Variants in DAB2IP observed in about 807,000 individuals in gnomAD.
DAB2IP encodes disabled homolog 2-interacting protein.
A neutral mutation model predicts 107.2 loss-of-function variants in DAB2IP; 28 were observed. The ratio of observed to expected loss-of-function variants is 0.26; its 90% CI spans 0.19 to 0.36. The LOEUF (loss-of-function observed/expected upper bound fraction) is 0.36, where lower values mean the gene tolerates loss of function less well. Ranked by LOEUF, DAB2IP falls within the 10% of genes least tolerant of loss-of-function variation. DAB2IP has a pLI of 1.00. For synonymous variants in DAB2IP, 755 were observed against 706.4 expected (o/e 1.07, Z -1.09); for missense variants, 1,400 against 1,644.7 (o/e 0.85, Z 2.57).
chr9:121,752,396 T>G (rs967912432), intron 3 of DAB2IP, among the ~76,000 whole-genome samples: 6 of 152,172 alleles, frequency 3.9e-5, no homozygotes, highest in Non-Finnish European at 8.8e-5. Flanking sequence ...CCAGGAACTC[T>G]AAGGCTCTGG....
chr9:121,768,348 C>A, intron 9 of DAB2IP, 84 bp from the exon 10 acceptor site: 1 of 1,413,976 alleles, frequency 7.1e-7, no homozygotes, highest in Non-Finnish European at 1.0e-6. Flanking sequence ...GTGGGGAAAG[C>A]GGGTGGTGGT....
chr9:121,684,513 C>T lies in DAB2IP; in HGVS notation c.228+5732C>T, dbSNP rs772554741. On this transcript the variant is annotated intron_variant, in intron 2 of 15. Transcript: ENST00000408936. This position sits in a 1 kb window ranked among gnomAD's most constrained non-coding sequence, Gnocchi z 4.0. ...TGGTCCAACTGCCCTCGGAGCCCCA[C>T]GACAGCTCCTTCCCGCTCATCTGCA... 3.3e-5 allele frequency among the ~76,000 whole-genome samples: 5 copies of T among 152,324 alleles called. No homozygotes were observed. The highest frequency in any genetic ancestry group is 1.3e-4 in the Admixed American group (2 of 15,304).
intron 1 of DAB2IP, among the ~76,000 whole-genome samples, chr9:121,603,302 T>C (rs540051033): frequency 3.3e-5 from 5 of 152,342 alleles, no homozygotes; most frequent in South Asian, 2.1e-4. Flanking sequence ...CTAGGAGAGA[T>C]ACAGGGTGGA....
At chr9:121,661,417 G>A (rs1263855731) in intron 1 of DAB2IP, among the ~76,000 whole-genome samples, 1 of 152,072 alleles carries the variant, frequency 6.6e-6, no homozygotes, top group Non-Finnish European at 1.5e-5. Flanking sequence ...CACAGGGTGG[G>A]GTAAGTGTCT....
Position 121,570,823 on chromosome 9 carries a change from C to T in DAB2IP, c.40+3595C>T, listed in dbSNP as rs367692348. On this transcript the variant is annotated intron_variant, in intron 1 of 16. Coordinates refer to the DAB2IP transcript ENST00000259371. Reference sequence around the variant, plus strand: ...TCGGCTTCCCAAAGTGCTGGGATTACAGGCATGAGCCACAGTGCCGGCCTG... The same window carrying T: ...TCGGCTTCCCAAAGTGCTGGGATTATAGGCATGAGCCACAGTGCCGGCCTG... Among the ~76,000 whole-genome samples the T allele has an allele frequency of 3.0e-4, 45 of 151,430 alleles. 1 individual carries two copies. In the East Asian group the frequency reaches 8.5e-3, roughly 29 times the overall value.
intron 11 of DAB2IP, among the ~76,000 whole-genome samples, chr9:121,771,476 G>GA (rs1186429510): frequency 1.3e-5 from 2 of 152,154 alleles, no homozygotes; most frequent in African/African-American, 4.8e-5. Context: ...AGGGTGCTGA[G>GA]ATCAAGAACC....
intron 3 of DAB2IP, among the ~76,000 whole-genome samples, chr9:121,713,813 A>G (rs897451370): frequency 3.9e-5 from 6 of 152,208 alleles, no homozygotes; most frequent in Non-Finnish European, 2.9e-5. Flanking sequence ...CATGAAAGGT[A>G]CTGCATTGCC....
chr9:121,774,364 C>A (rs746928111), exon 13 of DAB2IP: 5 of 1,612,766 alleles, frequency 3.1e-6, no homozygotes, highest in Admixed American at 1.7e-5. Context: ...CAGACCCCCC[C>A]CACAGGGATA....
chr9:121,625,223 G>T (rs1395048346), intron 1 of DAB2IP, among the ~76,000 whole-genome samples: 2 of 150,154 alleles, frequency 1.3e-5, no homozygotes, highest in Non-Finnish European at 3.0e-5. Flanking sequence ...CAACATAGAT[G>T]CTACCAAAGT....
chr9:121,568,988 G>A (rs924070641), intron 1 of DAB2IP, among the ~76,000 whole-genome samples: 1 of 152,212 alleles, frequency 6.6e-6, no homozygotes, highest in African/African-American at 2.4e-5. Flanking sequence ...GGGAGGTAAG[G>A]GATTCAAGAG....
chr9:121,568,212 T>C (rs1010768627), intron 1 of DAB2IP, among the ~76,000 whole-genome samples: 4 of 152,178 alleles, frequency 2.6e-5, no homozygotes, highest in Non-Finnish European at 4.4e-5. Flanking sequence ...CCTGGCTGCC[T>C]GGCACAGATT....
intron 1 of DAB2IP, among the ~76,000 whole-genome samples, chr9:121,654,222 G>A (rs139975184): frequency 2.5e-4 from 38 of 152,160 alleles, no homozygotes; most frequent in African/African-American, 8.9e-4. Flanking sequence ...GAAGGAAAAC[G>A]GCTTGGGTAT....
chr9:121,594,085 AC>A (rs1174427204), intron 1 of DAB2IP, among the ~76,000 whole-genome samples: 1 of 152,162 alleles, frequency 6.6e-6, no homozygotes, highest in Admixed American at 6.5e-5. Flanking sequence ...GCATTTTGCC[AC>A]TATGATCTCA....
intron 14 of DAB2IP, among the ~76,000 whole-genome samples, chr9:121,781,213 G>A (rs540678599): frequency 6.6e-6 from 1 of 152,298 alleles, no homozygotes; most frequent in African/African-American, 2.4e-5. Context: ...GGGGCAGCCC[G>A]GGGGCCTCTG....
At chr9:121,661,920 G>A (rs557204969) in intron 1 of DAB2IP, among the ~76,000 whole-genome samples, 56 of 151,792 alleles carry the variant, frequency 3.7e-4, no homozygotes, top group Non-Finnish European at 7.1e-4. Flanking sequence ...CTTCCAGGTT[G>A]TGATGACCTA....
chr9:121,785,430 AATG>A (rs1835940761), exon 16 of DAB2IP: 1 of 152,808 alleles, frequency 6.5e-6, no homozygotes, highest in South Asian at 2.1e-4. Flanking sequence ...ACTATGTAAT[AATG>A]TACAGAGGAA....
intron 1 of DAB2IP, among the ~76,000 whole-genome samples, chr9:121,638,472 C>T (rs1490137361): frequency 2.0e-5 from 3 of 152,058 alleles, no homozygotes; most frequent in Middle Eastern, 3.4e-3. Context: ...GGAGGAAAGG[C>T]GCAGGGAGCT....
intron 1 of DAB2IP, among the ~76,000 whole-genome samples, chr9:121,602,051 C>G (rs939368870): frequency 1.3e-5 from 2 of 152,172 alleles, no homozygotes; most frequent in African/African-American, 4.8e-5. Context: ...CCCACTCCCC[C>G]CCAACCCAGG....
intron 4 of DAB2IP, among the ~76,000 whole-genome samples, chr9:121,757,716 G>A (rs539327739): frequency 6.6e-6 from 1 of 152,226 alleles, no homozygotes; most frequent in South Asian, 2.1e-4. Flanking sequence ...GACATCAGAG[G>A]TCACACAGCA....
Sources: allele counts gnomAD v4.1 joint callset (sites outside exome capture counted in the v4.1 genomes callset), GRCh38; gene constraint gnomAD v4.1.1; non-coding constraint Gnocchi (gnomAD v3.1); transcripts MANE v1.5; gene names NCBI Gene and HGNC (gene_info 2026-07-23, HGNC 2026-07-21).